The following VIRMA variants were observed in gnomAD, a reference collection of about 807,000 sequenced individuals.
VIRMA encodes protein virilizer homolog.
Under a neutral mutation model 182.4 loss-of-function variants are expected in VIRMA, and 65 were observed. That is an observed-to-expected ratio of 0.36 (90% confidence interval 0.29 to 0.44). The LOEUF is 0.44. Ranked by LOEUF, VIRMA falls within the 20% of genes least tolerant of loss-of-function variation. The probability of loss-of-function intolerance (pLI) is 1.00; values close to 1 mark genes in which losing one functional copy is unlikely to be tolerated. For synonymous variants in VIRMA, 709 were observed against 743.1 expected (o/e 0.95, Z 0.75); for missense variants, 1,752 against 2,158.1 (o/e 0.81, Z 3.73).
At chr8:94,526,105 T>C in intron 8 of VIRMA, 118 bp downstream of exon 8, 2 of 725,390 alleles carry the variant, frequency 2.8e-6, no homozygotes, top group Non-Finnish European at 4.6e-6. Context: ...TTTTGAAATA[T>C]CAAGTATCCT....
chr8:94,500,678 C>T (rs1300669812), intron 16 of VIRMA, among the ~76,000 whole-genome samples: 2 of 134,572 alleles, frequency 1.5e-5, no homozygotes, highest in African/African-American at 5.7e-5. Flanking sequence ...TTTTTTGAGA[C>T]GGAGTCTCCG....
Position 94,519,357 on chromosome 8 carries a change from G to A in VIRMA, c.2141C>T (p.Ser714Leu). ...TKDVLKFLAQ[S>L]QKGLLFFMSE... is the part of the protein sequence containing the mutation. ...CATAAAAAAAAGAAGACCCTTCTGT[G>A]ACTGTGCAAGAAACTTCAAAACATC... The change falls in exon 9 of 24, where the codon TCA (serine) becomes TTA (leucine). Residue 714 changes from serine to leucine, a missense_variant. This residue lies in a region of VIRMA where 401 missense variants were observed against 455.1 expected (regional missense o/e 0.88). Transcript: ENST00000297591. 1 of 1,598,516 alleles carries A rather than the reference G, an allele frequency of 6.3e-7. No homozygotes were observed. The highest frequency in any genetic ancestry group is 8.5e-7 in the Non-Finnish European group (1 of 1,174,534).
intron 20 of VIRMA, 74 bp downstream of exon 20, chr8:94,494,786 T>C (rs1053396313): frequency 1.7e-5 from 16 of 920,014 alleles, no homozygotes; most frequent in Non-Finnish European, 2.4e-5. Context: ...ATGGAAACTA[T>C]TATAATGCTA....
chr8:94,517,715 G>A, intron 10 of VIRMA, 73 bp downstream of exon 10: 1 of 1,041,694 alleles, frequency 9.6e-7, no homozygotes, highest in East Asian at 2.6e-5. Context: ...CATGATGAAG[G>A]ACTAATTACA....
chr8:94,541,922 T>C (rs1350908105), intron 2 of VIRMA, among the ~76,000 whole-genome samples: 1 of 152,248 alleles, frequency 6.6e-6, no homozygotes, highest in African/African-American at 2.4e-5. Context: ...AATTTGTTTC[T>C]GATACTTTAT....
intron 1 of VIRMA, among the ~76,000 whole-genome samples, chr8:94,551,350 A>C (rs571651768): frequency 6.6e-6 from 1 of 152,342 alleles, no homozygotes; most frequent in East Asian, 1.9e-4. Flanking sequence ...TTTGTAAACT[A>C]AGATGATAAA....
chr8:94,528,402 C>G (rs1396605710), intron 7 of VIRMA, among the ~76,000 whole-genome samples: 1 of 151,928 alleles, frequency 6.6e-6, no homozygotes, highest in African/African-American at 2.4e-5. Context: ...AAAAGAGCCC[C>G]TATGATTCTG....
rs749319944 is a variant in VIRMA, at chr8:94,529,186, A to ACAT, written c.761_763dup (p.Asp254dup). The stretch of plus-strand genomic sequence containing the variant: ...CTCATCCTCTTCTTCCTCTACATCC[A>ACAT]CATCATCTTCATCTTCTTCTCCTTC... On this transcript the variant is annotated inframe_insertion, in exon 7 of 24. Coordinates refer to ENST00000297591, the MANE Select transcript of VIRMA (RefSeq NM_015496.5). 2.8e-6 allele frequency: 4 copies of ACAT among 1,439,064 alleles called. No homozygotes were observed. In the African/African-American group the frequency reaches 5.6e-5, roughly 20 times the overall value. 89.1% of individuals were successfully genotyped at this position (1,439,064 alleles called of 1,614,324 possible).
intron 7 of VIRMA, among the ~76,000 whole-genome samples, chr8:94,528,608 T>A (rs542129411): frequency 2.6e-5 from 4 of 152,344 alleles, no homozygotes; most frequent in Admixed American, 6.5e-5. Flanking sequence ...CATGTACTTG[T>A]GTAATTGAGA....
chr8:94,513,315 C>A (rs111313690), intron 11 of VIRMA, among the ~76,000 whole-genome samples: 3 of 151,212 alleles, frequency 2.0e-5, no homozygotes, highest in African/African-American at 7.3e-5. Context: ...CCAGCCTGGG[C>A]GACAGAGCAA....
chr8:94,506,413 A>G, intron 16 of VIRMA, 87 bp downstream of exon 16: 1 of 803,256 alleles, frequency 1.2e-6, no homozygotes, highest in Non-Finnish European at 1.9e-6. Context: ...ACTTTCTACA[A>G]TAGGTATGAA....
At position 94,543,917 on chromosome 8, in the gene VIRMA, C is replaced by T. The variant is rs781536712; in HGVS notation, c.89G>A (p.Arg30His). The T allele has an allele frequency of 9.3e-6, 15 of 1,610,446 alleles. No homozygotes were observed. The highest frequency in any genetic ancestry group is 3.3e-5 in the Admixed American group (2 of 59,820). ...AEQSSHIDVV[R>H]FPCVVYINEV... ...ATTGATATAAACCACACATGGAAAACGAACCACATCTATATGAGAACTTTG... is the reference window on the plus strand; with the variant it reads ...ATTGATATAAACCACACATGGAAAATGAACCACATCTATATGAGAACTTTG... The change falls in exon 2 of 24, where the codon CGT becomes CAT. Residue 30 changes from arginine to histidine, a missense_variant. Around this residue, in one of 11 missense-constraint regions of VIRMA, gnomAD observed 195 missense variants for 191.7 expected, o/e 1.02. Transcript: ENST00000297591.
chr8:94,513,745 T>G (rs1384676852), intron 11 of VIRMA, among the ~76,000 whole-genome samples: 1 of 152,198 alleles, frequency 6.6e-6, no homozygotes, highest in African/African-American at 2.4e-5. Flanking sequence ...CACTCAACCA[T>G]GCACAAGTAC....
intron 16 of VIRMA, among the ~76,000 whole-genome samples, chr8:94,500,620 T>C (rs1451486057): frequency 6.6e-6 from 1 of 150,996 alleles, no homozygotes; most frequent in African/African-American, 2.4e-5. Context: ...GAATGAAAAA[T>C]GGTATCTCTA....
intron 3 of VIRMA, 31 bp from the exon 4 acceptor site, chr8:94,537,182 CT>C (rs1180873068): frequency 1.5e-6 from 2 of 1,360,464 alleles, no homozygotes; most frequent in Non-Finnish European, 2.1e-6. Flanking sequence ...AATATGTAAG[CT>C]CAAACACTGA....
At chr8:94,531,133 C>G in intron 5 of VIRMA, 48 bp from the exon 6 acceptor site, 1 of 1,491,910 alleles carries the variant, frequency 6.7e-7, no homozygotes, top group Non-Finnish European at 8.9e-7. Context: ...TTACAGATGA[C>G]CCCCGAACAA....
Position 94,509,808 on chromosome 8 carries a change from A to T in VIRMA, c.3759T>A (p.Asp1253Glu). The change falls in exon 15 of 24, where the codon GAT becomes GAA. Residue 1253 changes from aspartate to glutamate, a missense_variant. By Grantham distance (45) the Asp-to-Glu change is conservative. Transcript: ENST00000297591. ...LHLINGTIKGDERYAEIFQDL... is the reference protein window; with the variant it reads ...LHLINGTIKGEERYAEIFQDL... ...CCTGGAATATCTCTGCATATCTTTCATCACCTTTAATAGTTCCATTAATTA... is the reference window on the plus strand; with the variant it reads ...CCTGGAATATCTCTGCATATCTTTCTTCACCTTTAATAGTTCCATTAATTA... The T allele has an allele frequency of 6.2e-7, 1 of 1,614,118 alleles. No individual in the cohort carries two copies. Among genetic ancestry groups the T allele is most frequent in the South Asian group, 1.1e-5 (1 of 91,086 alleles).
rs1387670517 is a variant in VIRMA, at chr8:94,538,354, T to TG, written c.180-9dup. 3 of 1,559,580 alleles carry TG rather than the reference T, an allele frequency of 1.9e-6. No individual in the cohort carries two copies. The highest frequency in any genetic ancestry group is 1.8e-6 in the Non-Finnish European group (2 of 1,131,418). On this transcript the variant is annotated splice_polypyrimidine_tract_variant and intron_variant, in intron 2 of 23. Transcript: ENST00000297591. Reference sequence around the variant, plus strand: ...GTATGGGGAGATGTCTCTCTGTAAATGAAACAAAGTTGAAACATCAGCCTT... The same window carrying TG: ...GTATGGGGAGATGTCTCTCTGTAAATGGAAACAAAGTTGAAACATCAGCCTT...
In VIRMA at chr8:94,529,289, T is replaced by C. The variant is rs776333361; in HGVS notation, c.661A>G (p.Ile221Val). The part of the protein sequence containing the change: ...APHREDYFEP[I>V]SPDRNSVPQE... ...GGAACAGAATTCCGATCAGGAGAAA[T>C]GGGCTCAAAGTAATCTTCTCTATGA... The change falls in exon 7 of 24, where the codon ATT becomes GTT. Residue 221 changes from isoleucine (I) to valine (V), a missense_variant. Transcript: ENST00000297591. 3.1e-6 allele frequency: 5 copies of C among 1,613,490 alleles called. No homozygotes were observed. The highest frequency in any genetic ancestry group is 3.3e-5 in the Admixed American group (2 of 60,022).
Sources: gnomAD v4.1 joint callset for allele counts (sites outside exome capture counted in the v4.1 genomes callset) on GRCh38, gnomAD v4.1.1 for gene constraint, gnomAD v4.1.1 regional missense constraint, MANE v1.5 for transcripts, NCBI Gene and HGNC (gene_info 2026-07-23, HGNC 2026-07-21) for gene names.